NDUFS1: variants seen among roughly 807,000 people sequenced by gnomAD.
The protein encoded by NDUFS1 is NADH-ubiquinone oxidoreductase 75 kDa subunit, mitochondrial.
In NDUFS1, 61 loss-of-function variants were observed where a neutral mutation model predicts 84.4. That is an observed-to-expected ratio of 0.72 (90% confidence interval 0.59 to 0.89). NDUFS1 has a LOEUF of 0.89. Ranked by LOEUF, NDUFS1 falls within the 40% of genes least tolerant of loss-of-function variation. The pLI is 0.00. For missense variants in NDUFS1, 891 were observed against 890.0 expected (o/e 1.00, Z -0.01); for synonymous variants, 275 against 290.0 (o/e 0.95, Z 0.53).
Position 206,133,009 on chromosome 2 carries a change from C to T in NDUFS1, c.1489G>A (p.Ala497Thr), listed in dbSNP as rs751196227. 13 of 1,613,720 alleles carry T rather than the reference C, an allele frequency of 8.1e-6. No homozygotes were observed. The highest frequency in any genetic ancestry group is 1.1e-5 in the Non-Finnish European group (13 of 1,179,840). ...CCACTAGTCATCCGAATCTTTTGTG[C>T]AATGCTAGAAACAGCTGCAAGAATT... is the stretch of plus-strand genomic sequence containing the variant. ...AAILAAVSSI[A>T]QKIRMTSGVT... Residue 497 changes from alanine (A) to threonine (T), a missense_variant, in exon 14 of 19, where the codon GCA becomes ACA. Transcript: ENST00000233190.
Position 206,144,023 on chromosome 2 carries a change from C to A in NDUFS1, c.982G>T (p.Gly328Ter). ...CTATTTATTTCAAATTTTACCATTCCAGCTACGCGAGAGAGCGCATCCTCC... is the reference window on the plus strand; with the variant it reads ...CTATTTATTTCAAATTTTACCATTCAAGCTACGCGAGAGAGCGCATCCTCC... Reference protein sequence around the residue: ...SWEDALSRVAGMLQSFQGKDV... With the variant: ...SWEDALSRVA Residue 328 changes from glycine (G) to a stop codon, truncating the protein, a stop_gained, in exon 10 of 19, where the codon GGA becomes TGA. Transcript: ENST00000233190. LOFTEE classifies it high-confidence loss of function. 6.2e-7 allele frequency: 1 copy of A among 1,605,316 alleles called. No individual in the cohort carries two copies. Among genetic ancestry groups the A allele is most frequent in the Non-Finnish European group, 8.5e-7 (1 of 1,172,178 alleles).
At position 206,143,497 on chromosome 2, in the gene NDUFS1, C is replaced by A. The variant is rs72944829; in HGVS notation, c.987+521G>T. On this transcript the variant is annotated intron_variant, in intron 10 of 18. Transcript: ENST00000233190. ...AGTGCTTTATGTTGTCTTTCTCTAACAAGAAAACTATTCCCTCCACTTGTA... is the reference window on the plus strand; with the variant it reads ...AGTGCTTTATGTTGTCTTTCTCTAAAAAGAAAACTATTCCCTCCACTTGTA... 5.5e-4 allele frequency among the ~76,000 whole-genome samples: 84 copies of A among 152,182 alleles called. 1 individual carries two copies. Among genetic ancestry groups the A allele is most frequent in the Admixed American group, 1.1e-3 (17 of 15,268 alleles).
chr2:206,116,126 T>G lies in NDUFS1; in HGVS notation c.*8059A>C. 6.8e-7 allele frequency: 1 copy of G among 1,468,752 alleles called. No individual in the cohort carries two copies. The highest frequency in any genetic ancestry group is 9.5e-7 in the Non-Finnish European group (1 of 1,048,986). The allele number at this position is 1,468,752 out of a possible 1,614,324, so 91.0% of individuals were successfully genotyped here. On this transcript the variant is annotated 3_prime_UTR_variant, in exon 19 of 19. Transcript: ENST00000233190. ...GTTCCATTTTCACTCCTCAATAGAT[T>G]TTATGTATTTCTCATATGCTTCTTC...
chr2:206,121,232 T>A lies in NDUFS1; in HGVS notation c.*2953A>T, dbSNP rs1255315071. 6.7e-6 allele frequency: 1 copy of A among 148,726 alleles called. No homozygotes were observed. Among genetic ancestry groups the A allele is most frequent in the Non-Finnish European group, 1.5e-5 (1 of 65,646 alleles). 9.2% of individuals were successfully genotyped at this position (148,726 alleles called of 1,614,324 possible). On this transcript the variant is annotated 3_prime_UTR_variant, in exon 19 of 19. Coordinates refer to ENST00000233190, the MANE Select transcript of NDUFS1 (RefSeq NM_005006.7). Reference sequence around the variant, plus strand: ...TGATCTTGAGCCTTTGTAGATTTTCTCATTGGTGATTCCTTCACTGCTTAG... The same window carrying A: ...TGATCTTGAGCCTTTGTAGATTTTCACATTGGTGATTCCTTCACTGCTTAG...
intron 1 of NDUFS1, among the ~76,000 whole-genome samples, chr2:206,157,616 T>A (rs994445470): frequency 6.6e-6 from 1 of 152,230 alleles, no homozygotes; most frequent in African/African-American, 2.4e-5. Flanking sequence ...AATACTTTTT[T>A]ATCTCCAATG....
intron 18 of NDUFS1, 149 bp downstream of exon 18, chr2:206,126,390 T>C (rs10184125): frequency 1.2e-5 from 9 of 763,970 alleles, no homozygotes; most frequent in African/African-American, 1.1e-4. Flanking sequence ...TCAGAAAATA[T>C]GCTTACGTTA....
At chr2:206,139,553 A>T (rs1691853685) in intron 12 of NDUFS1, among the ~76,000 whole-genome samples, 2 of 152,188 alleles carry the variant, frequency 1.3e-5, no homozygotes, top group African/African-American at 4.8e-5. Flanking sequence ...GACAGGGTCA[A>T]TTATCTCTTA....
intron 4 of NDUFS1, among the ~76,000 whole-genome samples, chr2:206,149,364 A>C (rs1028433707): frequency 6.6e-6 from 1 of 152,180 alleles, no homozygotes; most frequent in Non-Finnish European, 1.5e-5. Context: ...TCTGCTCTGA[A>C]ACAGAACACC....
In NDUFS1 at chr2:206,152,269, C is replaced by A. The variant is rs13394330; in HGVS notation, c.153+150G>T. 8.2e-3 allele frequency: 5,466 copies of A among 669,944 alleles called. 226 individuals carry two copies. The African/African-American group carries it at 0.091, about 11-fold the overall frequency. The allele number at this position is 669,944 out of a possible 1,614,324, so 41.5% of individuals were successfully genotyped here. A position where few individuals can be genotyped will look rare whatever the true frequency, so the allele number is the denominator to read the frequency against. The stretch of plus-strand genomic sequence containing the variant: ...ATATATGATAGCTCACTTTGAAGTG[C>A]CAAGATTTAAAATGAAATAATTTTA... On this transcript the variant is annotated intron_variant, in intron 3 of 18. Coordinates refer to ENST00000233190, the MANE Select transcript of NDUFS1 (RefSeq NM_005006.7).
intron 3 of NDUFS1, 64 bp downstream of exon 3, chr2:206,152,355 A>G: frequency 8.4e-7 from 1 of 1,187,458 alleles, no homozygotes; most frequent in Non-Finnish European, 1.3e-6. Flanking sequence ...AGTATAAAGG[A>G]AATAAATTAG....
Position 206,147,540 on chromosome 2 carries a change from C to T in NDUFS1, c.542G>A (p.Arg181His). 1 of 1,614,014 alleles carries T rather than the reference C, an allele frequency of 6.2e-7. No individual in the cohort carries two copies. The highest frequency in any genetic ancestry group is 2.2e-5 in the East Asian group (1 of 44,884). The change falls in exon 7 of 19, where the codon CGC becomes CAC. Residue 181 changes from arginine (R) to histidine (H), a missense_variant. Arg to His is a conservative substitution (Grantham distance 29). Coordinates refer to ENST00000233190, the MANE Select transcript of NDUFS1 (RefSeq NM_005006.7). ...TIMTRCIQCTRCIRFASEIAG... is the reference protein window; with the variant it reads ...TIMTRCIQCTHCIRFASEIAG... ...AAGGAAAAAAAGTTACCTGATGCAG[C>T]GAGTACACTGTATACATCTTGTCAT...
In NDUFS1 at chr2:206,153,699, G is replaced by C. The variant is rs1480617027; in HGVS notation, c.-4-17C>G. ...AACATATTGCTAAAAATAAAACAAA[G>C]AATTATATTATTGTAGGGAAAAAAA... On this transcript the variant is annotated splice_polypyrimidine_tract_variant and intron_variant, in intron 1 of 18. Coordinates refer to ENST00000233190, the MANE Select transcript of NDUFS1 (RefSeq NM_005006.7). The C allele has an allele frequency of 7.5e-7, 1 of 1,333,710 alleles. No individual in the cohort carries two copies. The highest frequency in any genetic ancestry group is 1.1e-6 in the Non-Finnish European group (1 of 941,974). 82.6% of individuals were successfully genotyped at this position (1,333,710 alleles called of 1,614,324 possible).
intron 9 of NDUFS1, 59 bp downstream of exon 9, chr2:206,144,833 T>C: frequency 6.5e-7 from 1 of 1,539,814 alleles, no homozygotes; most frequent in South Asian, 1.2e-5. Context: ...TCTTCAAAAT[T>C]ATTATAAAAT....
At chr2:206,140,583 C>T (rs912325914) in intron 12 of NDUFS1, among the ~76,000 whole-genome samples, 23 of 152,070 alleles carry the variant, frequency 1.5e-4, no homozygotes, top group East Asian at 1.2e-3. Context: ...CAGGTTCAAG[C>T]GATTCTTCTG....
At position 206,142,821 on chromosome 2, in the gene NDUFS1, A is replaced by G; in HGVS notation, c.998T>C (p.Phe333Ser). 1 of 1,614,194 alleles carries G rather than the reference A, an allele frequency of 6.2e-7. No homozygotes were observed. Among genetic ancestry groups the G allele is most frequent in the Non-Finnish European group, 8.5e-7 (1 of 1,180,038 alleles). ...AATTGCTGCCACATCTTTGCCTTGA[A>G]AACTCTGCAACTAGAAACAGATGAA... ...LSRVAGMLQSFQGKDVAAIAG... is the reference protein window; with the variant it reads ...LSRVAGMLQSSQGKDVAAIAG... The change falls in exon 11 of 19, where the codon TTT becomes TCT. Residue 333 changes from phenylalanine to serine, a missense_variant. Coordinates refer to ENST00000233190, the MANE Select transcript of NDUFS1 (RefSeq NM_005006.7).
At chr2:206,152,247 T>C (rs1447343417) in intron 3 of NDUFS1, among the ~76,000 whole-genome samples, 172 bp downstream of exon 3, 5 of 152,344 alleles carry the variant, frequency 3.3e-5, no homozygotes, top group Admixed American at 6.5e-5. Flanking sequence ...CAAACAAATA[T>C]ATGATAGCTC....
intron 12 of NDUFS1, 115 bp downstream of exon 12, chr2:206,141,825 AG>A: frequency 1.2e-6 from 1 of 854,352 alleles, no homozygotes; most frequent in Non-Finnish European, 1.8e-6. Context: ...ATTGTCTTCC[AG>A]TTATCTTTTG....
At chr2:206,158,961 C>T in intron 1 of NDUFS1, 1 of 906,642 alleles carries the variant, frequency 1.1e-6, no homozygotes, top group Non-Finnish European at 1.7e-6. Context: ...GTGTAAAAAT[C>T]TGGGGGGAAA....
At chr2:206,130,351 A>G in intron 14 of NDUFS1, 109 bp from the exon 15 acceptor site, 2 of 1,343,892 alleles carry the variant, frequency 1.5e-6, no homozygotes, top group Non-Finnish European at 2.0e-6. Context: ...AACCCATTTT[A>G]TTTTATTTTA....
Sources: allele counts gnomAD v4.1 joint callset (sites outside exome capture counted in the v4.1 genomes callset), GRCh38; gene constraint gnomAD v4.1.1; transcripts MANE v1.5; gene names NCBI Gene and HGNC (gene_info 2026-07-23, HGNC 2026-07-21).